Variants in DHX35 observed in about 807,000 individuals in gnomAD.
DHX35 encodes probable ATP-dependent RNA helicase DHX35.
DHX35 carries 84 observed loss-of-function variants against 99.6 expected under a neutral mutation model. That is an observed-to-expected ratio of 0.84 (90% CI 0.71 to 1.01). The LOEUF (loss-of-function observed/expected upper bound fraction) is 1.01, where lower values mean the gene tolerates loss of function less well. DHX35 is among the 50% of genes least tolerant of loss of function. The probability of loss-of-function intolerance (pLI) is 0.00; values close to 1 mark genes in which losing one functional copy is unlikely to be tolerated. For synonymous variants in DHX35, 331 were observed against 316.2 expected, an observed-to-expected ratio of 1.05 and a Z score of -0.50; for missense variants, 852 against 888.5, an observed-to-expected ratio of 0.96 and a Z score of 0.52.
rs140597812 is a variant in DHX35, at chr20:39,036,329, T to G, written c.2067+2012T>G. 3.7e-3 allele frequency among the ~76,000 whole-genome samples: 567 copies of G among 152,276 alleles called. 2 individuals are homozygous for G. Among genetic ancestry groups the G allele is most frequent in the African/African-American group, 0.013 (545 of 41,548 alleles). On this transcript the variant is annotated intron_variant, in intron 21 of 21. Transcript: ENST00000252011. ...TTTGAAGAAAATAACAAGCCCAAAT[T>G]TCTTCATTTGTCTCTTCTCTCCAAA...
intron 21 of DHX35, among the ~76,000 whole-genome samples, chr20:39,037,697 T>C (rs1568768568): frequency 6.6e-6 from 1 of 152,142 alleles, no homozygotes; most frequent in African/African-American, 2.4e-5. Context: ...TATTGATGAT[T>C]AGTAATGGGC....
rs59454014 is a variant in DHX35 at position 38,995,253 on chromosome 20, G to T, written c.642+373G>T. 8.5e-3 allele frequency among the ~76,000 whole-genome samples: 1,301 copies of T among 152,204 alleles called. 20 individuals carry two copies. The highest frequency in any genetic ancestry group is 0.03 in the African/African-American group (1,240 of 41,536). On this transcript the variant is annotated intron_variant, in intron 8 of 21. Transcript: ENST00000252011. ...TTGAAGTTTCTCCTGGGCTGGGCAC[G>T]GTGGCTCACACCTGTAATCCCAGCA...
At chr20:39,025,461 C>A in intron 18 of DHX35, 102 bp downstream of exon 18, 2 of 1,402,620 alleles carry the variant, frequency 1.4e-6, no homozygotes, top group Non-Finnish European at 1.9e-6. Flanking sequence ...GTGTGGCGTG[C>A]TCTGTACCAA....
At chr20:38,986,289 A>G (rs1292569419) in intron 4 of DHX35, among the ~76,000 whole-genome samples, 2 of 152,102 alleles carry the variant, frequency 1.3e-5, no homozygotes, top group African/African-American at 4.8e-5. Flanking sequence ...GAGCAGAACT[A>G]AAGTGATAGA....
chr20:39,004,303 G>A (rs2086576747), intron 11 of DHX35, among the ~76,000 whole-genome samples: 1 of 152,160 alleles, frequency 6.6e-6, no homozygotes, highest in Non-Finnish European at 1.5e-5. Flanking sequence ...CTGACCTTGT[G>A]ATCCGCCCAC....
intron 21 of DHX35, 141 bp downstream of exon 21, chr20:39,034,458 C>G (rs569544994): frequency 3.1e-6 from 2 of 640,468 alleles, no homozygotes; most frequent in South Asian, 1.9e-5. Context: ...TACCATATCC[C>G]CAAAACATTC....
chr20:38,981,901 G>T (rs377378435), intron 3 of DHX35, among the ~76,000 whole-genome samples: 1 of 143,646 alleles, frequency 7.0e-6, no homozygotes, highest in Non-Finnish European at 1.5e-5. Context: ...CCGAGATCAC[G>T]CCATTGCACT....
At chr20:38,972,438 ATAGT>A (rs1291306557) in intron 2 of DHX35, 117 bp from the exon 3 acceptor site, 8 of 651,928 alleles carry the variant, frequency 1.2e-5, no homozygotes, top group Non-Finnish European at 1.1e-5. Flanking sequence ...ATACATTTTG[ATAGT>A]TCTACTTAAA....
chr20:39,025,350 T>C lies in DHX35; in HGVS notation c.1792T>C (p.Ser598Pro). 6.2e-7 allele frequency: 1 copy of C among 1,613,502 alleles called. No homozygotes were observed. Among genetic ancestry groups the C allele is most frequent in the East Asian group, 2.2e-5 (1 of 44,872 alleles). The change falls in exon 18 of 22, where the codon TCT becomes CCT. Residue 598 changes from serine (S) to proline (P), a missense_variant. Ser to Pro is a moderately conservative substitution (Grantham distance 74). Coordinates refer to ENST00000252011, the MANE Select transcript of DHX35 (RefSeq NM_021931.4). The part of the protein sequence containing the change: ...LLVKFQVPRK[S>P]SEGDPDLVLR... ...TGTCAAGTTTCAAGTGCCCAGGAAG[T>C]CTAGTGAAGGTGAGAAGAAACCGTC...
In DHX35 at chr20:39,021,876, G is replaced by T; in HGVS notation, c.1534G>T (p.Ala512Ser). 6.2e-7 allele frequency: 1 copy of T among 1,614,102 alleles called. No individual in the cohort carries two copies. Among genetic ancestry groups the T allele is most frequent in the Non-Finnish European group, 8.5e-7 (1 of 1,179,982 alleles). ...CTGTTCTCAGGAAATTCTAAGCATC[G>T]CTGCCATGATGCAGATCCAGAATAT... ...FGCSQEILSI[A>S]AMMQIQNIFV... The change falls in exon 16 of 22, where the codon GCT becomes TCT. Residue 512 changes from alanine to serine, a missense_variant. Transcript: ENST00000252011.
At chr20:38,984,830 T>C (rs933180844) in intron 4 of DHX35, among the ~76,000 whole-genome samples, 1 of 152,190 alleles carries the variant, frequency 6.6e-6, no homozygotes, top group African/African-American at 2.4e-5. Flanking sequence ...TTTTCTATGG[T>C]TTTGCTAACC....
At chr20:38,962,707 C>T (rs553925245) in intron 1 of DHX35, 34 of 433,678 alleles carry the variant, frequency 7.8e-5, no homozygotes, top group South Asian at 6.8e-4. Flanking sequence ...ATGGGGAATC[C>T]TAAAGCTCCC....
intron 10 of DHX35, 33 bp from the exon 11 acceptor site, chr20:39,003,716 C>A (rs746094272): frequency 1.9e-6 from 3 of 1,590,842 alleles, no homozygotes; most frequent in African/African-American, 2.7e-5. Context: ...AAATTGATCT[C>A]GGTTTCTTTG....
intron 4 of DHX35, 132 bp downstream of exon 4, chr20:38,983,908 T>C: frequency 1.3e-6 from 1 of 753,602 alleles, no homozygotes; most frequent in East Asian, 2.8e-5. Flanking sequence ...TTATGTTTTT[T>C]TTATTTTTAT....
intron 14 of DHX35, 143 bp downstream of exon 14, chr20:39,015,077 T>C (rs1208280528): frequency 2.3e-5 from 22 of 965,272 alleles, no homozygotes; most frequent in Middle Eastern, 4.4e-4. Flanking sequence ...AATGATACTT[T>C]ATTGAAATAG....
intron 8 of DHX35, among the ~76,000 whole-genome samples, 174 bp downstream of exon 8, chr20:38,995,054 G>A (rs2086406436): frequency 6.6e-6 from 1 of 152,184 alleles, no homozygotes; most frequent in African/African-American, 2.4e-5. Context: ...TTCAGCTTGT[G>A]AAATTAGACT....
chr20:39,008,081 C>A (rs1391204105), intron 12 of DHX35, among the ~76,000 whole-genome samples: 1 of 152,188 alleles, frequency 6.6e-6, no homozygotes, highest in East Asian at 1.9e-4. Flanking sequence ...TGGAAATCAC[C>A]AACCTGTGTT....
chr20:39,003,730 C>G lies in DHX35; in HGVS notation c.853-19C>G, dbSNP rs1297875372. The G allele has an allele frequency of 4.4e-6, 7 of 1,593,714 alleles. No homozygotes were observed. The highest frequency in any genetic ancestry group is 2.3e-5 in the East Asian group (1 of 44,354). ...TAAATTGATCTCGGTTTCTTTGGTT[C>G]CTGGTTCAACGTCTTTAGGAAGAGG... On this transcript the variant is annotated intron_variant, in intron 10 of 21. Transcript: ENST00000252011.
Position 39,034,335 on chromosome 20 carries a change from C to G in DHX35, c.2067+18C>G. On this transcript the variant is annotated intron_variant, in intron 21 of 21. Coordinates refer to ENST00000252011, the MANE Select transcript of DHX35 (RefSeq NM_021931.4). ...AAGGAACGGTAGGAATGAACTGAGT[C>G]TGTGCCCCAGCCACCTGTTCACAGC... is the stretch of plus-strand genomic sequence containing the variant. The G allele has an allele frequency of 6.3e-7, 1 of 1,595,198 alleles. No individual in the cohort carries two copies. Among genetic ancestry groups the G allele is most frequent in the Non-Finnish European group, 8.6e-7 (1 of 1,162,788 alleles).
Sources: allele counts gnomAD v4.1 joint callset (sites outside exome capture counted in the v4.1 genomes callset), GRCh38; gene constraint gnomAD v4.1.1; transcripts MANE v1.5; gene names NCBI Gene and HGNC (gene_info 2026-07-23, HGNC 2026-07-21).